The following DNAH17 variants were observed in gnomAD, a reference collection of about 807,000 sequenced individuals.
DNAH17 encodes dynein axonemal heavy chain 17.
DNAH17 carries 376 observed loss-of-function variants against 485.6 expected under a neutral mutation model. The ratio of observed to expected loss-of-function variants is 0.77; its 90% confidence interval spans 0.71 to 0.84. The LOEUF is 0.84. Ranked by LOEUF, DNAH17 falls within the 40% of genes least tolerant of loss-of-function variation. The pLI, the probability that DNAH17 is intolerant of heterozygous loss-of-function variation, is 0.00. For missense variants in DNAH17, 6,370 were observed against 5,839.3 expected, an observed-to-expected ratio of 1.09 and a Z score of -2.96; for synonymous variants, 3,031 against 2,405.9, an observed-to-expected ratio of 1.26 and a Z score of -7.60.
In DNAH17 at chr17:78,482,070, C is replaced by CTT. The variant is rs36105381; in HGVS notation, c.7650-1286_7650-1285dup. ...CCTTGATGTCACACTACACTAGTTA[C>CTT]TTTTTTTTTTTTTTTTTTTTCCCCC... On this transcript the variant is annotated intron_variant, in intron 48 of 80. Transcript: ENST00000389840. Among the ~76,000 whole-genome samples, 58 of 130,654 alleles carry CTT rather than the reference C, an allele frequency of 4.4e-4. 1 individual carries two copies. The highest frequency in any genetic ancestry group is 2.1e-3 in the South Asian group (8 of 3,898). The allele number at this position is 130,654 out of a possible 152,430, so 85.7% of individuals were successfully genotyped here. A position where few individuals can be genotyped will look rare whatever the true frequency, so the allele number is the denominator to read the frequency against.
intron 49 of DNAH17, among the ~76,000 whole-genome samples, chr17:78,480,013 C>CTTTTTTTTTTTT (rs370344478): frequency 4.3e-5 from 3 of 70,518 alleles, no homozygotes; most frequent in African/African-American, 1.3e-4. Context: ...ACAACAAGTA[C>CTTTTTTTTTTTT]TTTTTTTTTT....
rs1355480798 is a variant in DNAH17, at chr17:78,458,040, G to A, written c.9977+525C>T. Among the ~76,000 whole-genome samples the A allele has an allele frequency of 3.3e-5, 5 of 152,296 alleles. No homozygotes were observed. In the East Asian group the frequency reaches 9.7e-4, roughly 29 times the overall value. On this transcript the variant is annotated intron_variant, in intron 62 of 80. Coordinates refer to ENST00000389840, the MANE Select transcript of DNAH17 (RefSeq NM_173628.4). ...GCTGGTCTCGAACTCCTGACCTCCAGTGATCCGCCTGCCTCGGCCTCCCAA... is the reference window on the plus strand; with the variant it reads ...GCTGGTCTCGAACTCCTGACCTCCAATGATCCGCCTGCCTCGGCCTCCCAA...
chr17:78,475,547 G>C (rs965096895), intron 53 of DNAH17, 78 bp from the exon 54 acceptor site: 2 of 1,601,948 alleles, frequency 1.2e-6, no homozygotes, highest in Non-Finnish European at 1.7e-6. Context: ...CTCTGCACAT[G>C]CTGAGGTGTG....
chr17:78,502,429 CTGT>C, intron 33 of DNAH17, 159 bp downstream of exon 33: 1 of 602,386 alleles, frequency 1.7e-6, no homozygotes, highest in Middle Eastern at 2.6e-4. Flanking sequence ...TGGTGCGTGG[CTGT>C]TATTTGGCCT....
At chr17:78,553,200 C>G (rs2091941565) in intron 14 of DNAH17, among the ~76,000 whole-genome samples, 1 of 150,800 alleles carries the variant, frequency 6.6e-6, no homozygotes, top group South Asian at 2.1e-4. Context: ...AAACAGAAAC[C>G]ACTATGCTTC....
At position 78,529,628 on chromosome 17, in the gene DNAH17, C is replaced by T. The variant is rs762586933; in HGVS notation, c.3351G>A (p.Gly1117=). Residue 1117 remains glycine (G), a synonymous_variant, in exon 22 of 81, where the codon GGG becomes GGA. Coordinates refer to ENST00000389840, the MANE Select transcript of DNAH17 (RefSeq NM_173628.4). ...TCACCTCCACAAGCCCATCATAGTC[C>T]CCCTCCTTGAGGGGCTTGGTCAAGC... ...RMGLTKPLKE[G]DYDGLVEVMG... is the part of the protein sequence containing the mutation. 40 of 1,613,958 alleles carry T rather than the reference C, an allele frequency of 2.5e-5. No homozygotes were observed. The highest frequency in any genetic ancestry group is 3.4e-5 in the Non-Finnish European group (40 of 1,179,868).
rs370275494 is a variant in DNAH17 at position 78,478,128 on chromosome 17, G to T, written c.7992+897C>A. Among the ~76,000 whole-genome samples, 697 of 132,900 alleles carry T rather than the reference G, an allele frequency of 5.2e-3. 2 individuals are homozygous for T. Among genetic ancestry groups the T allele is most frequent in the African/African-American group, 0.019 (648 of 34,928 alleles). The allele number at this position is 132,900 out of a possible 152,430, so 87.2% of individuals were successfully genotyped here. A position where few individuals can be genotyped will look rare whatever the true frequency, so the allele number is the denominator to read the frequency against. ...TCATCATCTCCACCATCACCACCAC[G>T]TGGCATCATCACATCACCATCATCA... On this transcript the variant is annotated intron_variant, in intron 51 of 80. Transcript: ENST00000389840.
chr17:78,568,475 C>T (rs528534826), intron 9 of DNAH17, among the ~76,000 whole-genome samples: 11 of 152,156 alleles, frequency 7.2e-5, no homozygotes, highest in Non-Finnish European at 1.2e-4. Context: ...GTTATATGTG[C>T]ACAAAGTTTT....
At chr17:78,530,279 G>A in intron 21 of DNAH17, 64 bp downstream of exon 21, 2 of 1,487,108 alleles carry the variant, frequency 1.3e-6, no homozygotes, top group Non-Finnish European at 1.8e-6. Context: ...CACTCAAGTG[G>A]AAGGCCACTC....
At chr17:78,543,281 ATT>A (rs76540229) in intron 17 of DNAH17, among the ~76,000 whole-genome samples, 46,707 of 141,076 alleles carry the variant, frequency 0.33, 7,459 homozygotes, top group Admixed American at 0.35. Flanking sequence ...TGCCCGGTTA[ATT>A]TTTGTTTTTT....
At chr17:78,544,102 A>C in intron 16 of DNAH17, 105 bp from the exon 17 acceptor site, 1 of 1,511,016 alleles carries the variant, frequency 6.6e-7, no homozygotes, top group Non-Finnish European at 9.0e-7. Context: ...CTGCTGCCTG[A>C]TCTTGGATTG....
intron 64 of DNAH17, 82 bp downstream of exon 64, chr17:78,454,388 A>C: frequency 9.3e-7 from 1 of 1,073,554 alleles, no homozygotes; most frequent in Non-Finnish European, 1.3e-6. Flanking sequence ...AGACCCACCC[A>C]TCCATTGAAC....
intron 16 of DNAH17, among the ~76,000 whole-genome samples, chr17:78,545,926 A>G (rs1232605722): frequency 6.6e-6 from 1 of 151,858 alleles, no homozygotes; most frequent in Non-Finnish European, 1.5e-5. Context: ...ATGTGTATGT[A>G]TGTATGCAAG....
In DNAH17 at chr17:78,575,209, C is replaced by A; in HGVS notation, c.-25-127G>T. On this transcript the variant is annotated intron_variant, in intron 1 of 80. Coordinates refer to ENST00000389840, the MANE Select transcript of DNAH17 (RefSeq NM_173628.4). ...AACAAAACAGTTGGTCGAGAGTGTG[C>A]AGTTTTTAGCTGTGGTTGGGTTGGG... 6 of 715,984 alleles carry A rather than the reference C, an allele frequency of 8.4e-6. No individual in the cohort carries two copies. In the South Asian group the frequency reaches 1.0e-4, roughly 12 times the overall value. 44.4% of individuals were successfully genotyped at this position (715,984 alleles called of 1,614,324 possible). A position where few individuals can be genotyped will look rare whatever the true frequency, so the allele number is the denominator to read the frequency against.
intron 75 of DNAH17, among the ~76,000 whole-genome samples, chr17:78,433,048 G>A (rs2086736369): frequency 6.6e-6 from 1 of 152,150 alleles, no homozygotes; most frequent in Non-Finnish European, 1.5e-5. Context: ...CTCCCAGTCT[G>A]TAAGAGGGTG....
intron 17 of DNAH17, chr17:78,543,627 G>T: frequency 1.7e-6 from 1 of 605,908 alleles, no homozygotes; most frequent in Non-Finnish European, 2.9e-6. Context: ...GTTTCACCAC[G>T]TTGGTCAAGC....
At chr17:78,527,075 G>A (rs1248852102) in intron 22 of DNAH17, 79 bp from the exon 23 acceptor site, 4 of 1,268,162 alleles carry the variant, frequency 3.2e-6, no homozygotes, top group East Asian at 5.1e-5. Context: ...ATTAGAGACT[G>A]GTAAGAAGCT....
chr17:78,570,189 G>T, intron 7 of DNAH17, 58 bp downstream of exon 7: 1 of 1,514,662 alleles, frequency 6.6e-7, no homozygotes, highest in Non-Finnish European at 8.9e-7. Flanking sequence ...ACAGTGAACC[G>T]GGGAGGGGAC....
At chr17:78,440,422 A>G (rs948894693) in intron 72 of DNAH17, among the ~76,000 whole-genome samples, 11 of 151,606 alleles carry the variant, frequency 7.3e-5, no homozygotes, top group Non-Finnish European at 1.3e-4. Context: ...ATACCTGGCT[A>G]CGTTTTCTTG....
Sources: gnomAD v4.1 joint callset for allele counts (sites outside exome capture counted in the v4.1 genomes callset) on GRCh38, gnomAD v4.1.1 for gene constraint, MANE v1.5 for transcripts, NCBI Gene and HGNC (gene_info 2026-07-23, HGNC 2026-07-21) for gene names.